Variants in MATN2 observed in about 807,000 individuals in gnomAD.
The protein encoded by MATN2 is matrilin 2, also known as matrilin-2.
A neutral mutation model predicts 103.2 loss-of-function variants in MATN2; 69 were observed. The ratio of observed to expected loss-of-function variants is 0.67; its 90% CI spans 0.55 to 0.82. The LOEUF is 0.82. MATN2 is among the 40% of genes least tolerant of loss of function. The pLI is 0.00. For synonymous variants in MATN2, 429 were observed against 450.2 expected, an observed-to-expected ratio of 0.95 and a Z score of 0.60; for missense variants, 1,023 against 1,211.5, an observed-to-expected ratio of 0.84 and a Z score of 2.31.
At chr8:97,881,817 T>C (rs185671401) in intron 1 of MATN2, among the ~76,000 whole-genome samples, 33 of 152,328 alleles carry the variant, frequency 2.2e-4, no homozygotes, top group Non-Finnish European at 4.3e-4. Flanking sequence ...ATTGCAGTTT[T>C]TAGGAAAAAA....
rs752459003 is a variant in MATN2 at position 98,016,572 on chromosome 8, T to C, written c.1606T>C (p.Cys536Arg). The change falls in exon 11 of 19, where the codon TGT becomes CGT. Residue 536 changes from cysteine to arginine, a missense_variant. Coordinates refer to ENST00000254898, the MANE Select transcript of MATN2 (RefSeq NM_002380.5). ...CTCTTGTGCTCTGGGGGACCACGGT[T>C]GTGAACATTCGTGTGTAAGCAGTGA... ...LDSCALGDHG[C>R]EHSCVSSEDS... is the part of the protein sequence containing the mutation. The C allele has an allele frequency of 2.0e-5, 32 of 1,611,176 alleles. 1 individual carries two copies. Among genetic ancestry groups the C allele is most frequent in the Non-Finnish European group, 1.1e-5 (13 of 1,178,528 alleles).
At chr8:97,876,452 G>C (rs957067696) in intron 1 of MATN2, among the ~76,000 whole-genome samples, 5 of 152,022 alleles carry the variant, frequency 3.3e-5, no homozygotes, top group African/African-American at 1.2e-4. Flanking sequence ...GCCTCCCAAA[G>C]TGCTGGGATT....
chr8:98,021,913 G>A (rs754370366), intron 13 of MATN2, among the ~76,000 whole-genome samples: 3 of 152,144 alleles, frequency 2.0e-5, no homozygotes, highest in Non-Finnish European at 4.4e-5. Flanking sequence ...AAGGTATATT[G>A]TAGTAGGGAA....
chr8:97,909,712 T>C (rs536439973), intron 2 of MATN2, among the ~76,000 whole-genome samples: 1 of 151,410 alleles, frequency 6.6e-6, no homozygotes, highest in South Asian at 2.1e-4. Context: ...GGGCCTTTAG[T>C]GGGGCCATTG....
At chr8:97,995,844 A>C (rs540616053) in intron 7 of MATN2, among the ~76,000 whole-genome samples, 1 of 152,378 alleles carries the variant, frequency 6.6e-6, no homozygotes, top group South Asian at 2.1e-4. Flanking sequence ...GTGAGGGTAC[A>C]AACCCTGCAC....
intron 1 of MATN2, among the ~76,000 whole-genome samples, chr8:97,884,155 A>G (rs1041795396): frequency 1.1e-4 from 15 of 142,822 alleles, no homozygotes; most frequent in African/African-American, 3.7e-4. Context: ...TTTTTCTGAG[A>G]TGGAGTTTTG....
intron 13 of MATN2, chr8:98,025,711 A>G: frequency 2.3e-6 from 1 of 428,886 alleles, no homozygotes; most frequent in South Asian, 1.6e-5. Context: ...GCGCCATTGT[A>G]CTCCAGCCTG....
chr8:97,898,902 C>G (rs1818899205), intron 2 of MATN2, among the ~76,000 whole-genome samples: 1 of 140,952 alleles, frequency 7.1e-6, no homozygotes, highest in Non-Finnish European at 1.6e-5. Context: ...GCACGCACCA[C>G]CATATCCAGC....
intron 4 of MATN2, among the ~76,000 whole-genome samples, chr8:97,956,664 C>T (rs897966646): frequency 2.0e-5 from 3 of 152,174 alleles, no homozygotes; most frequent in African/African-American, 4.8e-5. Flanking sequence ...CTGCCCCAGC[C>T]CTCAATTTGA....
intron 3 of MATN2, among the ~76,000 whole-genome samples, 161 bp from the exon 4 acceptor site, chr8:97,941,616 G>A (rs1332729963): frequency 6.6e-6 from 1 of 152,050 alleles, no homozygotes; most frequent in Non-Finnish European, 1.5e-5. Flanking sequence ...GCCCTGTCTT[G>A]TCCACCTTGG....
intron 16 of MATN2, 48 bp downstream of exon 16, chr8:98,032,365 A>G: frequency 7.2e-7 from 1 of 1,389,564 alleles, no homozygotes; most frequent in Non-Finnish European, 1.0e-6. Context: ...GGAGGGAACC[A>G]TGGTTTCCCT....
At chr8:97,990,123 A>G (rs1252968106) in intron 6 of MATN2, among the ~76,000 whole-genome samples, 1 of 138,718 alleles carries the variant, frequency 7.2e-6, no homozygotes, top group Non-Finnish European at 1.5e-5. Context: ...CAGAGGTTTC[A>G]GTGAGCTGAG....
At chr8:98,034,421 G>A (rs971793056) in intron 18 of MATN2, 3 of 292,758 alleles carry the variant, frequency 1.0e-5, no homozygotes, top group African/African-American at 6.5e-5. Context: ...GCTTAATTCT[G>A]AACTATCTCT....
Position 97,930,995 on chromosome 8 carries a change from T to A in MATN2, c.185T>A (p.Ile62Asn), listed in dbSNP as rs779135353. The change falls in exon 3 of 19, where the codon ATT becomes AAT. Residue 62 changes from isoleucine (I) to asparagine (N), a missense_variant. By Grantham distance (149) the Ile-to-Asn change is moderately radical. Coordinates refer to ENST00000254898, the MANE Select transcript of MATN2 (RefSeq NM_002380.5). Reference sequence around the variant, plus strand: ...AAGCGGGCAGACCTGGTTTTCATCATTGACAGCTCTCGCAGTGTCAACACC... The same window carrying A: ...AAGCGGGCAGACCTGGTTTTCATCAATGACAGCTCTCGCAGTGTCAACACC... ...ENKRADLVFI[I>N]DSSRSVNTHD... The A allele has an allele frequency of 6.2e-7, 1 of 1,613,488 alleles. No individual in the cohort carries two copies. The highest frequency in any genetic ancestry group is 8.5e-7 in the Non-Finnish European group (1 of 1,179,646).
intron 2 of MATN2, among the ~76,000 whole-genome samples, chr8:97,897,051 C>A (rs1173462906): frequency 6.6e-6 from 1 of 152,144 alleles, no homozygotes; most frequent in Non-Finnish European, 1.5e-5. Flanking sequence ...CCGGGCTGGG[C>A]AGTGGGATTA....
chr8:98,033,694 T>C, intron 18 of MATN2, 35 bp downstream of exon 18: 1 of 1,341,512 alleles, frequency 7.5e-7, no homozygotes, highest in Non-Finnish European at 1.1e-6. Context: ...CTGTATGGAA[T>C]GCAAAGAATA....
chr8:97,938,040 C>T (rs917850164), intron 3 of MATN2, among the ~76,000 whole-genome samples: 1 of 152,160 alleles, frequency 6.6e-6, no homozygotes, highest in African/African-American at 2.4e-5. Context: ...TTTTCTCTGC[C>T]TCACATCTCC....
At chr8:97,907,304 A>G (rs1819206924) in intron 2 of MATN2, among the ~76,000 whole-genome samples, 1 of 119,020 alleles carries the variant, frequency 8.4e-6, no homozygotes. Flanking sequence ...CCCAGTCATC[A>G]TAGCTCACTT....
At chr8:97,939,435 C>T (rs1810481144) in intron 3 of MATN2, among the ~76,000 whole-genome samples, 1 of 152,180 alleles carries the variant, frequency 6.6e-6, no homozygotes, top group Admixed American at 6.5e-5. Flanking sequence ...GATGCTTGTT[C>T]ACAGAATGAA....
Sources: gnomAD v4.1 joint callset for allele counts (sites outside exome capture counted in the v4.1 genomes callset) on GRCh38, gnomAD v4.1.1 for gene constraint, MANE v1.5 for transcripts, NCBI Gene and HGNC (gene_info 2026-07-23, HGNC 2026-07-21) for gene names.